CNTNAP5: variants seen among roughly 807,000 people sequenced by gnomAD.
The protein encoded by CNTNAP5 is contactin-associated protein-like 5.
CNTNAP5 carries 72 observed loss-of-function variants against 150.2 expected under a neutral mutation model. The observed-to-expected ratio is 0.48, with a 90% CI of 0.40 to 0.58. The LOEUF (loss-of-function observed/expected upper bound fraction) is 0.58, where lower values mean the gene tolerates loss of function less well. Ranked by LOEUF, CNTNAP5 falls within the 20% of genes least tolerant of loss-of-function variation. CNTNAP5 has a pLI of 0.00. For synonymous variants in CNTNAP5, 672 were observed against 619.8 expected (o/e 1.08, Z -1.25); for missense variants, 1,636 against 1,626.2 (o/e 1.01, Z -0.10).
chr2:124,527,533 A>G, intron 10 of CNTNAP5, 77 bp downstream of exon 10: 2 of 1,208,356 alleles, frequency 1.7e-6, no homozygotes, highest in Middle Eastern at 2.1e-4. Flanking sequence ...TTCTTTAAGC[A>G]AAATTCTAAT....
In CNTNAP5 at chr2:124,307,657, T is replaced by C. The variant is rs912312576; in HGVS notation, c.381+65264T>C. Among the ~76,000 whole-genome samples the C allele has an allele frequency of 2.0e-5, 3 of 152,180 alleles. No homozygotes were observed. In the East Asian group the frequency reaches 5.8e-4, roughly 29 times the overall value. On this transcript the variant is annotated intron_variant, in intron 3 of 23. Coordinates refer to ENST00000682447, the MANE Select transcript of CNTNAP5 (RefSeq NM_001367498.1). ...CAGATTCAGAAAGTAGGAAGACAAG[T>C]TCTTGCTTTGGGGGCTGAAATGCAA...
intron 13 of CNTNAP5, among the ~76,000 whole-genome samples, chr2:124,706,844 A>AGGAGG (rs1326458215): frequency 2.2e-3 from 6 of 2,674 alleles, no homozygotes; most frequent in East Asian, 0.017. Context: ...GAGGGGGAGG[A>AGGAGG]AGGAGGAGGA....
chr2:124,201,174 C>T (rs1357090419), intron 1 of CNTNAP5, among the ~76,000 whole-genome samples: 17 of 152,286 alleles, frequency 1.1e-4, no homozygotes, highest in South Asian at 6.2e-4. Flanking sequence ...AAGCACTGCT[C>T]GACCTGCAGG....
rs191543600 is a variant in CNTNAP5, at chr2:124,656,365, C to A, written c.2077+8407C>A. 4.2e-3 allele frequency among the ~76,000 whole-genome samples: 638 copies of A among 152,204 alleles called. 7 individuals carry two copies. Among genetic ancestry groups the A allele is most frequent in the African/African-American group, 0.014 (599 of 41,532 alleles). ...TTTTCCCGTGAGGGACTTTTGTTAC[C>A]CTTAAAGTGATACAGCTAAAATGTG... On this transcript the variant is annotated intron_variant, in intron 13 of 23. Coordinates refer to ENST00000682447, the MANE Select transcript of CNTNAP5 (RefSeq NM_001367498.1).
chr2:124,453,173 G>A (rs1179082690), intron 6 of CNTNAP5, among the ~76,000 whole-genome samples: 2 of 151,908 alleles, frequency 1.3e-5, no homozygotes, highest in Admixed American at 6.6e-5. Context: ...GAAATAAATA[G>A]CACAAATAAA....
At chr2:124,626,432 A>T (rs1261346784) in intron 12 of CNTNAP5, among the ~76,000 whole-genome samples, 4 of 152,074 alleles carry the variant, frequency 2.6e-5, no homozygotes, top group Non-Finnish European at 4.4e-5. Flanking sequence ...GAATGAGAAG[A>T]AGCAGAGTGG....
At chr2:124,802,557 G>A (rs965618043) in intron 19 of CNTNAP5, among the ~76,000 whole-genome samples, 3 of 152,170 alleles carry the variant, frequency 2.0e-5, no homozygotes, top group African/African-American at 7.2e-5. Context: ...TAGGGCTGTG[G>A]CCACAGACAA....
intron 20 of CNTNAP5, 90 bp from the exon 21 acceptor site, chr2:124,869,585 A>AT: frequency 1.2e-6 from 1 of 811,568 alleles, no homozygotes; most frequent in Non-Finnish European, 2.1e-6. Context: ...ATCTGTATGC[A>AT]TTTTTTCAAG....
chr2:124,028,756 C>G (rs886300557), intron 1 of CNTNAP5, among the ~76,000 whole-genome samples: 2 of 151,944 alleles, frequency 1.3e-5, no homozygotes, highest in African/African-American at 2.4e-5. Context: ...GAGTTCTAGC[C>G]CTAGTTATGC....
intron 1 of CNTNAP5, among the ~76,000 whole-genome samples, chr2:124,120,431 C>CTGAG (rs1683534233): frequency 6.6e-6 from 1 of 152,164 alleles, no homozygotes; most frequent in African/African-American, 2.4e-5. Context: ...TGGACAAGTA[C>CTGAG]TCTTTGACTC....
chr2:124,413,288 G>C (rs1691824631), intron 3 of CNTNAP5, among the ~76,000 whole-genome samples: 1 of 151,416 alleles, frequency 6.6e-6, no homozygotes, highest in Admixed American at 6.6e-5. Flanking sequence ...TGGTGGGACT[G>C]TAAACCAGTT....
At chr2:124,353,184 G>A (rs1285366468) in intron 3 of CNTNAP5, among the ~76,000 whole-genome samples, 1 of 150,026 alleles carries the variant, frequency 6.7e-6, no homozygotes, top group African/African-American at 2.5e-5. Context: ...TCAATACAAT[G>A]AGCTTGAACG....
At chr2:124,086,121 A>T (rs1682683939) in intron 1 of CNTNAP5, among the ~76,000 whole-genome samples, 1 of 150,104 alleles carries the variant, frequency 6.7e-6, no homozygotes, top group Non-Finnish European at 1.5e-5. Context: ...AGTTCTATCG[A>T]TAGAACTGTT....
intron 19 of CNTNAP5, among the ~76,000 whole-genome samples, chr2:124,819,707 G>A (rs544714453): frequency 2.0e-5 from 3 of 152,252 alleles, no homozygotes; most frequent in Admixed American, 6.5e-5. Flanking sequence ...AACAAGAGCA[G>A]AAGGGAAAGG....
Position 124,419,152 on chromosome 2 carries a change from A to ACAAAAAAAAAAC in CNTNAP5, c.529+1562_529+1563insCAAAAAAAAAAC, listed in dbSNP as rs1553466537. 2.0e-4 allele frequency among the ~76,000 whole-genome samples: 24 copies of ACAAAAAAAAAAC among 120,990 alleles called. 1 individual carries two copies. The highest frequency in any genetic ancestry group is 6.5e-4 in the African/African-American group (23 of 35,210). The allele number at this position is 120,990 out of a possible 152,430, so 79.4% of individuals were successfully genotyped here. ...CGAGACTCCTTCTCAAAAAAAAAAA[A>ACAAAAAAAAAAC]AAAAAAAAAAACAGTATGAAGCTTT... On this transcript the variant is annotated intron_variant, in intron 4 of 23. Coordinates refer to ENST00000682447, the MANE Select transcript of CNTNAP5 (RefSeq NM_001367498.1).
intron 3 of CNTNAP5, among the ~76,000 whole-genome samples, chr2:124,400,677 TTTTTTTTTTTTG>T (rs1262152607): frequency 1.1e-3 from 98 of 90,710 alleles, no homozygotes; most frequent in African/African-American, 2.6e-3. Context: ...TTGTTTTTTT[TTTTTTTTTTTTG>T]TTTTTTTTCT....
chr2:124,609,546 C>G (rs749078749), intron 11 of CNTNAP5, among the ~76,000 whole-genome samples: 30 of 151,934 alleles, frequency 2.0e-4, no homozygotes, highest in Non-Finnish European at 3.8e-4. Context: ...GTGCCGTGAG[C>G]CGTGATCGTG....
At chr2:124,227,284 G>C (rs1686484123) in intron 2 of CNTNAP5, among the ~76,000 whole-genome samples, 2 of 152,018 alleles carry the variant, frequency 1.3e-5, no homozygotes, top group Admixed American at 1.3e-4. Flanking sequence ...CAGTCACAAT[G>C]GTCTGCTTTA....
chr2:124,569,775 GCTT>G (rs1434562649), intron 11 of CNTNAP5, among the ~76,000 whole-genome samples: 1 of 152,150 alleles, frequency 6.6e-6, no homozygotes. Flanking sequence ...CTGATGTAGT[GCTT>G]CTTCTATGGA....
Sources: gnomAD v4.1 joint callset for allele counts (sites outside exome capture counted in the v4.1 genomes callset) on GRCh38, gnomAD v4.1.1 for gene constraint, MANE v1.5 for transcripts, NCBI Gene and HGNC (gene_info 2026-07-23, HGNC 2026-07-21) for gene names.